Variants in NKAIN3 observed in about 807,000 individuals in gnomAD.
NKAIN3 encodes sodium/potassium transporting ATPase interacting 3.
Under a neutral mutation model 30.2 loss-of-function variants are expected in NKAIN3, and 25 were observed. The observed-to-expected ratio is 0.83, with a 90% CI of 0.60 to 1.16. The LOEUF (loss-of-function observed/expected upper bound fraction) is 1.16, where lower values mean the gene tolerates loss of function less well. Among genes scored for constraint, NKAIN3 ranks in the 50% most tolerant of loss-of-function variants. The pLI is 0.00. For missense variants in NKAIN3, 225 were observed against 254.1 expected (o/e 0.89, Z 0.78); for synonymous variants, 91 against 89.6 (o/e 1.02, Z -0.09).
chr8:62,942,035 A>T (rs1235797646), intron 5 of NKAIN3, among the ~76,000 whole-genome samples: 1 of 151,838 alleles, frequency 6.6e-6, no homozygotes, highest in Non-Finnish European at 1.5e-5. Context: ...TCCAAAAAGA[A>T]CCTAGAACTG....
chr8:62,645,907 G>A (rs554837509), intron 3 of NKAIN3, among the ~76,000 whole-genome samples: 62 of 152,086 alleles, frequency 4.1e-4, no homozygotes, highest in African/African-American at 1.4e-3. Flanking sequence ...CTATGTTCTG[G>A]TTAATTTAGG....
intron 5 of NKAIN3, among the ~76,000 whole-genome samples, chr8:62,925,511 T>C (rs1182155111): frequency 6.6e-6 from 1 of 152,164 alleles, no homozygotes; most frequent in African/African-American, 2.4e-5. Flanking sequence ...TGTAGCTTGT[T>C]TTGCCAAAAA....
intron 3 of NKAIN3, among the ~76,000 whole-genome samples, chr8:62,679,890 CA>C (rs527332486): frequency 2.0e-5 from 3 of 151,940 alleles, no homozygotes; most frequent in Admixed American, 2.0e-4. Flanking sequence ...TATCACATGG[CA>C]AAAAATAACT....
chr8:62,745,659 G>A (rs1395717235), intron 3 of NKAIN3, among the ~76,000 whole-genome samples: 1 of 152,148 alleles, frequency 6.6e-6, no homozygotes, highest in African/African-American at 2.4e-5. Context: ...ATCTCTTAAG[G>A]ATCAAAAACC....
intron 4 of NKAIN3, among the ~76,000 whole-genome samples, chr8:62,850,864 T>C (rs1482604611): frequency 6.6e-6 from 1 of 152,156 alleles, no homozygotes; most frequent in Non-Finnish European, 1.5e-5. Context: ...TGTAGCCTTG[T>C]AGTATAGTTT....
chr8:62,316,239 G>A (rs1814621940), intron 1 of NKAIN3, among the ~76,000 whole-genome samples: 3 of 152,064 alleles, frequency 2.0e-5, no homozygotes, highest in Admixed American at 6.6e-5. Flanking sequence ...GCATGAAAAC[G>A]GACTAATACA....
intron 1 of NKAIN3, chr8:62,482,849 TG>T (rs1806769904): frequency 6.6e-6 from 1 of 152,284 alleles, no homozygotes; most frequent in African/African-American, 2.4e-5. Flanking sequence ...AGCTAGGCCT[TG>T]CCTTTTCATG....
chr8:62,393,408 A>G (rs1264258180), intron 1 of NKAIN3, among the ~76,000 whole-genome samples: 2 of 152,002 alleles, frequency 1.3e-5, no homozygotes, highest in Non-Finnish European at 2.9e-5. Context: ...CCCATCTACA[A>G]TATAATAATT....
intron 3 of NKAIN3, among the ~76,000 whole-genome samples, chr8:62,628,318 C>A (rs1201724324): frequency 6.6e-6 from 1 of 152,120 alleles, no homozygotes; most frequent in African/African-American, 2.4e-5. Flanking sequence ...TGTTGCTGCA[C>A]AACAAAATGC....
At chr8:62,734,160 G>A (rs1002360013) in intron 3 of NKAIN3, among the ~76,000 whole-genome samples, 8 of 152,136 alleles carry the variant, frequency 5.3e-5, no homozygotes, top group Admixed American at 3.9e-4. Flanking sequence ...GTGCACAACC[G>A]TAGTGTCAGC....
chr8:62,714,552 C>T (rs1309496703), intron 3 of NKAIN3, among the ~76,000 whole-genome samples: 1 of 152,008 alleles, frequency 6.6e-6, no homozygotes, highest in Non-Finnish European at 1.5e-5. Context: ...CATTATTGTT[C>T]TTCACATTTT....
Position 62,360,577 on chromosome 8 carries a change from T to C in NKAIN3, c.54+111450T>C, listed in dbSNP as rs571801297. The stretch of plus-strand genomic sequence containing the variant: ...AAGTCTCAGAAAAGCCCATTTGGGA[T>C]GATTACTACTATTATTCTGTTGTTT... On this transcript the variant is annotated intron_variant, in intron 1 of 6. Transcript: ENST00000623646. Among the ~76,000 whole-genome samples the C allele has an allele frequency of 4.6e-4, 70 of 152,322 alleles. No homozygotes were observed. The South Asian group carries it at 0.014, about 31-fold the overall frequency.
At chr8:62,863,714 C>T in intron 4 of NKAIN3, 1 of 1,561,972 alleles carries the variant, frequency 6.4e-7, no homozygotes, top group South Asian at 1.1e-5. Flanking sequence ...ACGCTGAGCA[C>T]TTTTTACAAC....
intron 1 of NKAIN3, among the ~76,000 whole-genome samples, chr8:62,469,517 G>A (rs939894624): frequency 6.6e-6 from 1 of 152,094 alleles, no homozygotes; most frequent in Non-Finnish European, 1.5e-5. Flanking sequence ...GGCAGAGTGC[G>A]GACACAGAGA....
intron 1 of NKAIN3, among the ~76,000 whole-genome samples, chr8:62,544,637 G>A (rs1267253909): frequency 2.0e-5 from 3 of 151,946 alleles, no homozygotes; most frequent in Admixed American, 6.6e-5. Flanking sequence ...ATCCCCTAAA[G>A]TTCTTCAAAG....
chr8:62,728,597 G>A (rs1037208686), intron 3 of NKAIN3, among the ~76,000 whole-genome samples: 5 of 152,094 alleles, frequency 3.3e-5, no homozygotes, highest in African/African-American at 9.7e-5. Context: ...CCCAGGAGGC[G>A]GAGGTTGCCT....
At chr8:62,350,065 A>G (rs1171382003) in intron 1 of NKAIN3, among the ~76,000 whole-genome samples, 1 of 152,212 alleles carries the variant, frequency 6.6e-6, no homozygotes, top group Non-Finnish European at 1.5e-5. Context: ...GCTGTATGGC[A>G]GTTCTTCAAA....
At chr8:62,545,779 A>C (rs1808985586) in intron 1 of NKAIN3, among the ~76,000 whole-genome samples, 1 of 152,204 alleles carries the variant, frequency 6.6e-6, no homozygotes, top group Non-Finnish European at 1.5e-5. Flanking sequence ...CTGTGTACAT[A>C]AACCATTTTG....
chr8:62,976,619 G>A lies in NKAIN3; in HGVS notation c.*11212G>A, dbSNP rs1039346802. Among the ~76,000 whole-genome samples, 3 of 152,112 alleles carry A rather than the reference G, an allele frequency of 2.0e-5. No homozygotes were observed. The South Asian group carries it at 6.2e-4, about 32-fold the overall frequency. ...GGTCTCGAATACAACACACCAATGG[G>A]TTTTGACTCTTTATCCAATTTGCCA... On this transcript the variant is annotated 3_prime_UTR_variant, in exon 7 of 7. Transcript: ENST00000623646.
Sources: gnomAD v4.1 joint callset for allele counts (sites outside exome capture counted in the v4.1 genomes callset) on GRCh38, gnomAD v4.1.1 for gene constraint, MANE v1.5 for transcripts, NCBI Gene and HGNC (gene_info 2026-07-23, HGNC 2026-07-21) for gene names.